Variants in RBMS1 observed in about 807,000 individuals in gnomAD.
RBMS1 encodes the protein RNA-binding motif, single-stranded-interacting protein 1.
In RBMS1, 17 loss-of-function variants were observed where a neutral mutation model predicts 62.3. The observed-to-expected ratio is 0.27, with a 90% CI of 0.19 to 0.41. The LOEUF is 0.41. Ranked by LOEUF, RBMS1 falls within the 10% of genes least tolerant of loss-of-function variation. The pLI, the probability that RBMS1 is intolerant of heterozygous loss-of-function variation, is 1.00. For missense variants in RBMS1, 334 were observed against 504.5 expected (o/e 0.66, Z 3.24); for synonymous variants, 172 against 170.0 (o/e 1.01, Z -0.09).
chr2:160,335,568 T>C (rs2105988444), intron 2 of RBMS1, among the ~76,000 whole-genome samples: 1 of 152,256 alleles, frequency 6.6e-6, no homozygotes. Flanking sequence ...TATGTTTGGG[T>C]TTTCTTTTCA....
At chr2:160,476,551 CTTT>C (rs755429434) in intron 1 of RBMS1, among the ~76,000 whole-genome samples, 3 of 111,270 alleles carry the variant, frequency 2.7e-5, no homozygotes, top group Non-Finnish European at 1.8e-5. Flanking sequence ...AAACACACTT[CTTT>C]TTTTTTTTTT....
chr2:160,450,563 T>TAA (rs71006605), intron 1 of RBMS1, among the ~76,000 whole-genome samples: 26 of 122,358 alleles, frequency 2.1e-4, no homozygotes, highest in Non-Finnish European at 3.5e-4. Context: ...AAATAAAAAA[T>TAA]GAAAAAAAAA....
chr2:160,307,847 T>C lies in RBMS1; in HGVS notation c.403-4360A>G, dbSNP rs1689624142. On this transcript the variant is annotated intron_variant, in intron 4 of 13. Coordinates refer to ENST00000348849, the MANE Select transcript of RBMS1 (RefSeq NM_016836.4). ...CAAGAATAAAAACCAACCACTGGTC[T>C]CTAATGCTCTCATTTTGCAGTTTTG... Among the ~76,000 whole-genome samples the C allele has an allele frequency of 3.9e-5, 6 of 152,360 alleles. No individual in the cohort carries two copies. In the South Asian group the frequency reaches 1.2e-3, roughly 32 times the overall value.
At chr2:160,431,271 A>T (rs1186081404) in intron 1 of RBMS1, among the ~76,000 whole-genome samples, 1 of 151,536 alleles carries the variant, frequency 6.6e-6, no homozygotes, top group Non-Finnish European at 1.5e-5. Context: ...AGACAGAATA[A>T]AATTCAAGTT....
Position 160,284,833 on chromosome 2 carries a change from C to A in RBMS1, c.842G>T (p.Arg281Leu). The A allele has an allele frequency of 6.2e-7, 1 of 1,609,544 alleles. No homozygotes were observed. The highest frequency in any genetic ancestry group is 1.1e-5 in the South Asian group (1 of 90,922). Residue 281 changes from arginine to leucine, a missense_variant, in exon 9 of 14, where the codon CGA becomes CTA. By Grantham distance (102) the Arg-to-Leu change is moderately radical. Around this residue, in one of 3 missense-constraint regions of RBMS1, gnomAD observed 182 missense variants for 257.7 expected, o/e 0.71. Coordinates refer to ENST00000348849, the MANE Select transcript of RBMS1 (RefSeq NM_016836.4). ...TGTAATAGAAGTTTGAGTGATCATT[C>A]GGTTTGTAGCAATACTGTATGGTGA... is the stretch of plus-strand genomic sequence containing the variant. The part of the protein sequence containing the change: ...YPSPYSIATN[R>L]MITQTSITPY...
intron 2 of RBMS1, among the ~76,000 whole-genome samples, chr2:160,326,617 AGCAATTATTTTAG>A (rs1320019510): frequency 6.6e-6 from 1 of 152,212 alleles, no homozygotes; most frequent in East Asian, 1.9e-4. Flanking sequence ...AAATCACAAG[AGCAATTATTTTAG>A]TAAGATTAAC....
chr2:160,434,405 G>T (rs1217697370), intron 1 of RBMS1, among the ~76,000 whole-genome samples: 1 of 151,890 alleles, frequency 6.6e-6, no homozygotes, highest in Non-Finnish European at 1.5e-5. Context: ...AAAAAATAGG[G>T]CATGAGTGTG....
intron 7 of RBMS1, among the ~76,000 whole-genome samples, chr2:160,285,792 T>C (rs1688353615): frequency 2.6e-5 from 4 of 151,572 alleles, no homozygotes; most frequent in Admixed American, 2.0e-4. Flanking sequence ...CTGGGCAACA[T>C]AGTTAGATCC....
chr2:160,464,413 C>T (rs1684600836), intron 1 of RBMS1, among the ~76,000 whole-genome samples: 1 of 152,110 alleles, frequency 6.6e-6, no homozygotes, highest in Non-Finnish European at 1.5e-5. Flanking sequence ...GATTTAAAAA[C>T]ATAAAATACA....
intron 1 of RBMS1, among the ~76,000 whole-genome samples, chr2:160,432,713 G>A (rs530938158): frequency 1.8e-4 from 27 of 152,206 alleles, no homozygotes; most frequent in South Asian, 4.1e-4. Context: ...ATGTTTGGGC[G>A]GGGAAAAGGG....
chr2:160,388,237 G>A (rs568219302), intron 1 of RBMS1, among the ~76,000 whole-genome samples: 4 of 152,290 alleles, frequency 2.6e-5, no homozygotes, highest in South Asian at 2.1e-4. Flanking sequence ...ATCACTGAAA[G>A]GTTCAAACAC....
Position 160,465,890 on chromosome 2 carries a change from T to A in RBMS1, c.75+27399A>T, listed in dbSNP as rs373131057. ...TACACACACACACACACACACACAC[T>A]CTCACATTTCTAGAATTTCAATCTT... is the stretch of plus-strand genomic sequence containing the variant. On this transcript the variant is annotated intron_variant, in intron 1 of 13. Transcript: ENST00000348849. Among the ~76,000 whole-genome samples, 178 of 82,132 alleles carry A rather than the reference T, an allele frequency of 2.2e-3. 1 individual carries two copies. The highest frequency in any genetic ancestry group is 5.7e-3 in the African/African-American group (164 of 28,918). 53.9% of individuals were successfully genotyped at this position (82,132 alleles called of 152,430 possible). A position where few individuals can be genotyped will look rare whatever the true frequency, so the allele number is the denominator to read the frequency against.
intron 4 of RBMS1, among the ~76,000 whole-genome samples, chr2:160,311,238 A>C (rs570194064): frequency 0.029 from 3,489 of 118,952 alleles, 114 homozygotes; most frequent in East Asian, 0.051. Flanking sequence ...CTATCTATAT[A>C]TATATATATA....
chr2:160,439,992 C>T (rs568076586), intron 1 of RBMS1, among the ~76,000 whole-genome samples: 2 of 149,036 alleles, frequency 1.3e-5, no homozygotes, highest in Non-Finnish European at 3.0e-5. Context: ...TGCAGTGAGC[C>T]GAGATGGCAG....
chr2:160,428,296 A>T lies in RBMS1; in HGVS notation c.76-60905T>A, dbSNP rs369143578. On this transcript the variant is annotated intron_variant, in intron 1 of 13. Coordinates refer to ENST00000348849, the MANE Select transcript of RBMS1 (RefSeq NM_016836.4). Reference sequence around the variant, plus strand: ...AGAGGAAATGCTGCCAGCTGAAAACACCGGATGTAATCGAGACCACAAGAG... The same window carrying T: ...AGAGGAAATGCTGCCAGCTGAAAACTCCGGATGTAATCGAGACCACAAGAG... Among the ~76,000 whole-genome samples, 6 of 152,308 alleles carry T rather than the reference A, an allele frequency of 3.9e-5. No individual in the cohort carries two copies. The East Asian group carries it at 1.2e-3, about 29-fold the overall frequency.
chr2:160,303,722 T>TGA (rs910911030), intron 4 of RBMS1, among the ~76,000 whole-genome samples: 2 of 152,178 alleles, frequency 1.3e-5, no homozygotes, highest in Non-Finnish European at 2.9e-5. Flanking sequence ...ATGGCACTAC[T>TGA]GAGTTGGAGA....
In RBMS1 at chr2:160,493,572, T is replaced by TCCTCTTCC. The variant is rs1559621722; in HGVS notation, c.-210_-209insGGAAGAGG. 2 of 384,892 alleles carry TCCTCTTCC rather than the reference T, an allele frequency of 5.2e-6. No individual in the cohort carries two copies. The highest frequency in any genetic ancestry group is 5.8e-5 in the African/African-American group (2 of 34,724). The allele number at this position is 384,892 out of a possible 1,614,324, so 23.8% of individuals were successfully genotyped here. A position where few individuals can be genotyped will look rare whatever the true frequency, so the allele number is the denominator to read the frequency against. On this transcript the variant is annotated 5_prime_UTR_variant, in exon 1 of 14. Coordinates refer to ENST00000348849, the MANE Select transcript of RBMS1 (RefSeq NM_016836.4). ...CCTCCTCCTCCTCCTCCTCCTCCTCTTCCTCCTCCTCCTCCTCCTCCCAGG... is the reference window on the plus strand; with the variant it reads ...CCTCCTCCTCCTCCTCCTCCTCCTCTCCTCTTCCTCCTCCTCCTCCTCCTCCTCCCAGG...
At chr2:160,448,375 G>A (rs1454407532) in intron 1 of RBMS1, among the ~76,000 whole-genome samples, 1 of 145,942 alleles carries the variant, frequency 6.9e-6, no homozygotes, top group Non-Finnish European at 1.5e-5. Flanking sequence ...CCGCCATCTC[G>A]GCTCACTGCA....
intron 1 of RBMS1, among the ~76,000 whole-genome samples, chr2:160,486,801 C>T (rs1559612629): frequency 2.0e-5 from 3 of 150,576 alleles, no homozygotes; most frequent in Admixed American, 6.6e-5. Flanking sequence ...AGATTGCAGG[C>T]AAGCAATGAT....
Sources: allele counts gnomAD v4.1 joint callset (sites outside exome capture counted in the v4.1 genomes callset), GRCh38; gene constraint gnomAD v4.1.1; regional missense constraint gnomAD v4.1.1; transcripts MANE v1.5; gene names NCBI Gene and HGNC (gene_info 2026-07-23, HGNC 2026-07-21).